Variants in TBC1D1 observed in about 807,000 individuals in gnomAD.
TBC1D1 encodes TBC1 (tre-2/USP6, BUB2, cdc16) domain family, member 1.
In TBC1D1, 89 loss-of-function variants were observed where a neutral mutation model predicts 125.6. The observed-to-expected ratio is 0.71, with a 90% confidence interval of 0.60 to 0.85. The LOEUF (loss-of-function observed/expected upper bound fraction) is 0.85, where lower values mean the gene tolerates loss of function less well. Among genes scored for constraint, TBC1D1 ranks in the 40% least tolerant of loss-of-function variants. The pLI is 0.00. For synonymous variants in TBC1D1, 565 were observed against 564.1 expected (o/e 1.00, Z -0.02); for missense variants, 1,377 against 1,469.2 (o/e 0.94, Z 1.03).
intron 2 of TBC1D1, among the ~76,000 whole-genome samples, chr4:37,920,664 C>G (rs887487186): frequency 6.6e-6 from 1 of 152,062 alleles, no homozygotes; most frequent in Middle Eastern, 3.4e-3. Flanking sequence ...GGAGTCAAAA[C>G]GATGAGAGAG....
At chr4:38,006,263 A>G (rs1160781383) in intron 2 of TBC1D1, among the ~76,000 whole-genome samples, 1 of 152,164 alleles carries the variant, frequency 6.6e-6, no homozygotes. Context: ...CTTATATTAC[A>G]CAGCCAAGGC....
intron 12 of TBC1D1, chr4:38,054,948 C>T (rs553361451): frequency 7.0e-4 from 107 of 152,822 alleles, no homozygotes; most frequent in Middle Eastern, 3.4e-3. Context: ...GAGTTGTAGG[C>T]GTGCTCACTT....
At chr4:38,012,805 G>GT (rs980538623) in intron 2 of TBC1D1, among the ~76,000 whole-genome samples, 5 of 151,544 alleles carry the variant, frequency 3.3e-5, no homozygotes, top group South Asian at 2.1e-4. Flanking sequence ...TGGCTATTTT[G>GT]TTTTTTTTGA....
At chr4:37,907,669 T>C (rs952267697) in intron 2 of TBC1D1, among the ~76,000 whole-genome samples, 21 of 152,168 alleles carry the variant, frequency 1.4e-4, no homozygotes, top group Non-Finnish European at 2.5e-4. Flanking sequence ...GGTAAGTAAA[T>C]GGACATATCC....
At chr4:37,929,152 G>C (rs1577904682) in intron 2 of TBC1D1, among the ~76,000 whole-genome samples, 1 of 152,294 alleles carries the variant, frequency 6.6e-6, no homozygotes, top group African/African-American at 2.4e-5. Flanking sequence ...AGTGGTATCT[G>C]TGGTTAAGGG....
At chr4:37,993,591 TTTA>T (rs1467748427) in intron 2 of TBC1D1, among the ~76,000 whole-genome samples, 5 of 148,108 alleles carry the variant, frequency 3.4e-5, no homozygotes, top group South Asian at 2.2e-4. Flanking sequence ...TATTTATTTA[TTTA>T]TTTTTGAGAT....
At chr4:37,979,552 T>A (rs1250379048) in intron 2 of TBC1D1, among the ~76,000 whole-genome samples, 1 of 152,248 alleles carries the variant, frequency 6.6e-6, no homozygotes, top group African/African-American at 2.4e-5. Context: ...ATGTACACAA[T>A]GTGAATAATC....
chr4:37,993,837 C>T (rs1432749204), intron 2 of TBC1D1, among the ~76,000 whole-genome samples: 1 of 152,244 alleles, frequency 6.6e-6, no homozygotes, highest in Non-Finnish European at 1.5e-5. Flanking sequence ...CCACCTTGAC[C>T]TCCCAAAGTG....
chr4:38,090,132 TTG>T lies in TBC1D1; in HGVS notation c.2236+16_2236+17del. Reference sequence around the variant, plus strand: ...GAAGCTCCAAGGTTGGTTTGCCATCTTGATATTGAACAGGCCTGGTCTTATCT... The same window carrying T: ...GAAGCTCCAAGGTTGGTTTGCCATCTATATTGAACAGGCCTGGTCTTATCT... On this transcript the variant is annotated intron_variant, in intron 13 of 19. Transcript: ENST00000261439. 1 of 1,613,816 alleles carries T rather than the reference TTG, an allele frequency of 6.2e-7. No homozygotes were observed. The highest frequency in any genetic ancestry group is 8.5e-7 in the Non-Finnish European group (1 of 1,179,802).
At chr4:37,941,381 AT>A (rs972172732) in intron 2 of TBC1D1, among the ~76,000 whole-genome samples, 1 of 151,902 alleles carries the variant, frequency 6.6e-6, no homozygotes, top group Non-Finnish European at 1.5e-5. Flanking sequence ...CCCCTCTATC[AT>A]TTTTTATTGC....
At chr4:38,069,057 C>T (rs1278939146) in intron 12 of TBC1D1, among the ~76,000 whole-genome samples, 4 of 152,236 alleles carry the variant, frequency 2.6e-5, no homozygotes, top group East Asian at 1.9e-4. Flanking sequence ...CCAGTGCTTT[C>T]AAGGAATCCT....
At chr4:38,136,262 T>C (rs1452938888) in intron 19 of TBC1D1, among the ~76,000 whole-genome samples, 1 of 152,214 alleles carries the variant, frequency 6.6e-6, no homozygotes, top group Non-Finnish European at 1.5e-5. Context: ...TAGCATTAAT[T>C]ATGTGCTAGG....
intron 2 of TBC1D1, among the ~76,000 whole-genome samples, chr4:37,906,284 A>T (rs921742456): frequency 6.6e-6 from 1 of 152,016 alleles, no homozygotes; most frequent in African/African-American, 2.4e-5. Flanking sequence ...AGTAGCTGGG[A>T]TTACAGGTAC....
chr4:38,052,728 G>GCGCGCACA (rs1491148206), intron 11 of TBC1D1, among the ~76,000 whole-genome samples: 195 of 118,332 alleles, frequency 1.6e-3, no homozygotes, highest in African/African-American at 4.9e-3. Flanking sequence ...GCGCGCGCGC[G>GCGCGCACA]CACACACACA....
rs1463452648 is a variant in TBC1D1, at chr4:37,977,374, C to A, written c.418-37135C>A. On this transcript the variant is annotated intron_variant, in intron 2 of 19. Coordinates refer to ENST00000261439, the MANE Select transcript of TBC1D1 (RefSeq NM_015173.4). This position sits in a 1 kb window ranked among gnomAD's most constrained non-coding sequence, Gnocchi z 4.3. ...GTGGAGCCCGCCGCCGCCGCCGCCG[C>A]CGCCGGGGAGAGCGATGCCCCGGCC... 4 of 391,532 alleles carry A rather than the reference C, an allele frequency of 1.0e-5. No homozygotes were observed. The South Asian group carries it at 3.8e-4, about 37-fold the overall frequency. 24.3% of individuals were successfully genotyped at this position (391,532 alleles called of 1,614,324 possible).
chr4:37,988,232 T>G (rs1735846064), intron 2 of TBC1D1, among the ~76,000 whole-genome samples: 1 of 152,246 alleles, frequency 6.6e-6, no homozygotes, highest in African/African-American at 2.4e-5. Context: ...GCCTCAGTCC[T>G]TGATCTATAA....
At chr4:37,980,779 G>T (rs1578138519) in intron 2 of TBC1D1, among the ~76,000 whole-genome samples, 1 of 151,844 alleles carries the variant, frequency 6.6e-6, no homozygotes, top group South Asian at 2.1e-4. Context: ...ATTTAACTGT[G>T]TATTTTCCAG....
chr4:38,134,050 C>G (rs1448257299), intron 19 of TBC1D1, among the ~76,000 whole-genome samples: 1 of 152,112 alleles, frequency 6.6e-6, no homozygotes, highest in East Asian at 1.9e-4. Flanking sequence ...GCAGTGCTGT[C>G]CCTGTTAAGG....
chr4:37,949,136 T>C (rs866365646), intron 2 of TBC1D1, among the ~76,000 whole-genome samples: 1 of 152,246 alleles, frequency 6.6e-6, no homozygotes, highest in Non-Finnish European at 1.5e-5. Flanking sequence ...GAGGCATATA[T>C]CAATCACAGG....
Sources: gnomAD v4.1 joint callset for allele counts (sites outside exome capture counted in the v4.1 genomes callset) on GRCh38, gnomAD v4.1.1 for gene constraint, Gnocchi (gnomAD v3.1) non-coding constraint, MANE v1.5 for transcripts, NCBI Gene and HGNC (gene_info 2026-07-23, HGNC 2026-07-21) for gene names.